Variants in JAZF1 observed in about 807,000 individuals in gnomAD.
JAZF1 encodes JAZF zinc finger 1.
In JAZF1, 8 loss-of-function variants were observed where a neutral mutation model predicts 26.4. The observed-to-expected ratio is 0.30, with a 90% CI of 0.18 to 0.55. The LOEUF is 0.55. Ranked by LOEUF, JAZF1 falls within the 20% of genes least tolerant of loss-of-function variation. The pLI, the probability that JAZF1 is intolerant of heterozygous loss-of-function variation, is 0.94. For missense variants in JAZF1, 199 were observed against 322.0 expected (o/e 0.62, Z 2.92); for synonymous variants, 126 against 122.3 (o/e 1.03, Z -0.20).
At chr7:28,025,035 T>C (rs2128373622) in intron 1 of JAZF1, among the ~76,000 whole-genome samples, 1 of 152,322 alleles carries the variant, frequency 6.6e-6, no homozygotes, top group African/African-American at 2.4e-5. Flanking sequence ...GCCCAAGCTC[T>C]TCTCTGGGTC....
At chr7:27,973,526 C>T (rs938187972) in intron 2 of JAZF1, among the ~76,000 whole-genome samples, 9 of 152,102 alleles carry the variant, frequency 5.9e-5, no homozygotes, top group East Asian at 1.9e-4. Context: ...CTCAAACTCC[C>T]GCGCTCAAGT....
chr7:27,900,703 T>G (rs553777708), intron 2 of JAZF1, among the ~76,000 whole-genome samples: 6 of 152,262 alleles, frequency 3.9e-5, no homozygotes, highest in South Asian at 2.1e-4. Flanking sequence ...TAAGAAAGTC[T>G]TCTTTTTTAA....
At chr7:28,144,812 G>A (rs1783001237) in intron 1 of JAZF1, among the ~76,000 whole-genome samples, 2 of 152,088 alleles carry the variant, frequency 1.3e-5, no homozygotes, top group South Asian at 4.1e-4. Flanking sequence ...CTAATTTTCC[G>A]ATTTCAGCCT....
At chr7:28,058,910 T>A (rs1461238359) in intron 1 of JAZF1, among the ~76,000 whole-genome samples, 2 of 152,222 alleles carry the variant, frequency 1.3e-5, no homozygotes, top group East Asian at 3.8e-4. Context: ...CTTCTTTATA[T>A]GTCTTTCACA....
chr7:27,896,902 GA>G (rs925968489), intron 2 of JAZF1, among the ~76,000 whole-genome samples: 2 of 152,196 alleles, frequency 1.3e-5, no homozygotes, highest in Admixed American at 6.5e-5. Flanking sequence ...GGATAGTGAT[GA>G]TTTAAAAAGA....
chr7:28,095,975 G>T (rs933130535), intron 1 of JAZF1, among the ~76,000 whole-genome samples: 8 of 152,082 alleles, frequency 5.3e-5, no homozygotes, highest in African/African-American at 1.4e-4. Context: ...CCTTTACTGG[G>T]CCCCAACCGT....
At chr7:28,009,073 C>T (rs1377878007) in intron 1 of JAZF1, among the ~76,000 whole-genome samples, 3 of 152,084 alleles carry the variant, frequency 2.0e-5, no homozygotes, top group Non-Finnish European at 4.4e-5. Flanking sequence ...TTTGGTAAAC[C>T]TTACTATCAG....
chr7:27,944,942 G>A (rs1158304200), intron 2 of JAZF1, among the ~76,000 whole-genome samples: 3 of 152,124 alleles, frequency 2.0e-5, no homozygotes, highest in Middle Eastern at 3.4e-3. Flanking sequence ...TTTCCGGAAC[G>A]CTGTCATCTG....
At chr7:28,045,666 T>TATGA (rs1239084544) in intron 1 of JAZF1, among the ~76,000 whole-genome samples, 1 of 152,174 alleles carries the variant, frequency 6.6e-6, no homozygotes, top group Non-Finnish European at 1.5e-5. Flanking sequence ...AGCCTTGAAC[T>TATGA]CCTGGGCTCA....
intron 1 of JAZF1, among the ~76,000 whole-genome samples, chr7:28,083,158 T>C (rs778432402): frequency 9.9e-5 from 15 of 152,194 alleles, no homozygotes; most frequent in Non-Finnish European, 1.9e-4. Flanking sequence ...CCCTCAATCC[T>C]AGATCAAGCG....
intron 2 of JAZF1, among the ~76,000 whole-genome samples, chr7:27,980,081 T>C (rs1270767771): frequency 6.6e-6 from 1 of 152,216 alleles, no homozygotes; most frequent in East Asian, 1.9e-4. Flanking sequence ...TATTAGATAC[T>C]TTTTCAAATT....
At chr7:28,098,989 CATGGG>C (rs1784426755) in intron 1 of JAZF1, among the ~76,000 whole-genome samples, 1 of 152,204 alleles carries the variant, frequency 6.6e-6, no homozygotes, top group Non-Finnish European at 1.5e-5. Flanking sequence ...GATAGGCATC[CATGGG>C]CTACTCTACC....
chr7:27,867,468 C>T (rs1783494289), intron 3 of JAZF1, among the ~76,000 whole-genome samples: 1 of 152,188 alleles, frequency 6.6e-6, no homozygotes, highest in Non-Finnish European at 1.5e-5. Context: ...GCCTGTGCCG[C>T]ATGAAAAACG....
intron 2 of JAZF1, among the ~76,000 whole-genome samples, chr7:27,942,899 G>A (rs1784870265): frequency 6.6e-6 from 1 of 152,184 alleles, no homozygotes; most frequent in East Asian, 1.9e-4. Context: ...CATGGGGCAA[G>A]GGGTGCTGGG....
chr7:28,167,867 C>A (rs1264716665), intron 1 of JAZF1, among the ~76,000 whole-genome samples: 1 of 152,142 alleles, frequency 6.6e-6, no homozygotes, highest in Admixed American at 6.5e-5. Context: ...TGAATAAAAA[C>A]CACTATAAGC....
chr7:27,998,067 A>AAGGAAGGAAGGCAGGC (rs1562553960), intron 1 of JAZF1, among the ~76,000 whole-genome samples: 2 of 72,808 alleles, frequency 2.7e-5, no homozygotes, highest in Non-Finnish European at 6.2e-5. Context: ...GGAAGGAAGG[A>AAGGAAGGAAGGCAGGC]AGGAAGGCAG....
intron 3 of JAZF1, among the ~76,000 whole-genome samples, chr7:27,871,564 C>T (rs990130793): frequency 3.3e-5 from 5 of 152,170 alleles, no homozygotes; most frequent in African/African-American, 1.2e-4. Flanking sequence ...ACACAGACAA[C>T]CTCTGCAATG....
Position 27,895,355 on chromosome 7 carries a change from G to A in JAZF1, c.250C>T (p.Leu84Phe). ...ACTGAGCTGGACAGAGTCAGCGAGA[G>A]CTTCGGCTGAATCTTCTTCTTTAGG... Reference protein sequence around the residue: ...ESLKKKIQPKLSLTLSSSVSR... With the variant: ...ESLKKKIQPKFSLTLSSSVSR... The change falls in exon 3 of 5, where the codon CTC (leucine) becomes TTC (phenylalanine). Residue 84 changes from leucine (L) to phenylalanine (F), a missense_variant. Physicochemically the swap from Leu to Phe is conservative, Grantham distance 22. Coordinates refer to ENST00000283928, the MANE Select transcript of JAZF1 (RefSeq NM_175061.4). 1 of 1,609,476 alleles carries A rather than the reference G, an allele frequency of 6.2e-7. No individual in the cohort carries two copies. The highest frequency in any genetic ancestry group is 8.5e-7 in the Non-Finnish European group (1 of 1,178,012).
intron 2 of JAZF1, among the ~76,000 whole-genome samples, chr7:27,926,611 C>T (rs1784603740): frequency 6.6e-6 from 1 of 152,210 alleles, no homozygotes; most frequent in Admixed American, 6.5e-5. Flanking sequence ...GAACACACTC[C>T]ACAAATATTT....
Sources: allele counts gnomAD v4.1 joint callset (sites outside exome capture counted in the v4.1 genomes callset), GRCh38; gene constraint gnomAD v4.1.1; transcripts MANE v1.5; gene names NCBI Gene and HGNC (gene_info 2026-07-23, HGNC 2026-07-21).